The following MOXD1 variants were observed in gnomAD, a reference collection of about 807,000 sequenced individuals.
MOXD1 encodes monooxygenase DBH like 1.
Under a neutral mutation model 66.6 loss-of-function variants are expected in MOXD1, and 62 were observed. That is an observed-to-expected ratio of 0.93 (90% CI 0.76 to 1.15). The LOEUF is 1.15. Among genes scored for constraint, MOXD1 ranks in the 50% most tolerant of loss-of-function variants. The pLI, the probability that MOXD1 is intolerant of heterozygous loss-of-function variation, is 0.00. For missense variants in MOXD1, 847 were observed against 754.6 expected, an observed-to-expected ratio of 1.12 and a Z score of -1.44; for synonymous variants, 303 against 281.9, an observed-to-expected ratio of 1.07 and a Z score of -0.75.
Position 132,386,156 on chromosome 6 carries a change from G to T in MOXD1, c.265-11379C>A, listed in dbSNP as rs111873188. Among the ~76,000 whole-genome samples the T allele has an allele frequency of 4.2e-5, 5 of 120,100 alleles. No individual in the cohort carries two copies. In the Admixed American group the frequency reaches 4.6e-4, roughly 11 times the overall value. The allele number at this position is 120,100 out of a possible 152,430, so 78.8% of individuals were successfully genotyped here. A position where few individuals can be genotyped will look rare whatever the true frequency, so the allele number is the denominator to read the frequency against. ...GGTGGCTCACGCCTGTAATCCCAGC[G>T]CTTTGGGAGGCCGAGGCGGGCGGAT... On this transcript the variant is annotated intron_variant, in intron 1 of 11. Coordinates refer to ENST00000367963, the MANE Select transcript of MOXD1 (RefSeq NM_015529.4).
chr6:132,303,936 C>T (rs1774630333), intron 10 of MOXD1, among the ~76,000 whole-genome samples: 1 of 140,458 alleles, frequency 7.1e-6, no homozygotes, highest in Non-Finnish European at 1.5e-5. Context: ...CAATCCAATC[C>T]ATTCTCATTT....
intron 4 of MOXD1, among the ~76,000 whole-genome samples, chr6:132,331,813 T>G (rs1237620340): frequency 6.6e-6 from 1 of 152,112 alleles, no homozygotes; most frequent in African/African-American, 2.4e-5. Context: ...CTACACATTA[T>G]TGTAGGAAGC....
chr6:132,375,097 G>A (rs1776351752), intron 1 of MOXD1: 3 of 400,970 alleles, frequency 7.5e-6, no homozygotes, highest in East Asian at 7.7e-5. Context: ...ACTATGAAAT[G>A]TCTTACCGCA....
At chr6:132,313,247 C>A (rs1453239865) in intron 10 of MOXD1, among the ~76,000 whole-genome samples, 1 of 152,098 alleles carries the variant, frequency 6.6e-6, no homozygotes, top group Non-Finnish European at 1.5e-5. Flanking sequence ...TTTCTATTTC[C>A]TCCCCTATAA....
intron 10 of MOXD1, among the ~76,000 whole-genome samples, chr6:132,311,902 G>T (rs1053365489): frequency 2.0e-5 from 3 of 152,002 alleles, no homozygotes; most frequent in East Asian, 1.9e-4. Context: ...ATAAGCACGT[G>T]TGAGTTTTAA....
chr6:132,391,854 A>C (rs1163171096), intron 1 of MOXD1: 1 of 180,282 alleles, frequency 5.5e-6, no homozygotes. Flanking sequence ...CAGGCTAATT[A>C]TGAAATCATC....
intron 4 of MOXD1, among the ~76,000 whole-genome samples, chr6:132,362,040 G>C (rs148809594): frequency 6.6e-6 from 1 of 151,810 alleles, no homozygotes; most frequent in Non-Finnish European, 1.5e-5. Context: ...ATCACTAAAA[G>C]CTCCATTTAT....
chr6:132,396,417 T>G (rs1776876281), intron 1 of MOXD1, among the ~76,000 whole-genome samples: 1 of 151,844 alleles, frequency 6.6e-6, no homozygotes, highest in Non-Finnish European at 1.5e-5. Context: ...AACAAACACC[T>G]ACATCAAAAA....
At chr6:132,298,015 C>T (rs1774449938) in intron 10 of MOXD1, 60 bp from the exon 11 acceptor site, 1 of 1,440,052 alleles carries the variant, frequency 6.9e-7, no homozygotes, top group Admixed American at 2.3e-5. Flanking sequence ...GTTTCCTTTA[C>T]TTTTCAGCAT....
At chr6:132,382,212 T>C (rs1434500793) in intron 1 of MOXD1, among the ~76,000 whole-genome samples, 1 of 152,080 alleles carries the variant, frequency 6.6e-6, no homozygotes, top group Admixed American at 6.6e-5. Context: ...AATTAGACTT[T>C]ATGTGGGTAA....
At chr6:132,362,484 C>G (rs948942259) in intron 4 of MOXD1, among the ~76,000 whole-genome samples, 9 of 152,148 alleles carry the variant, frequency 5.9e-5, no homozygotes, top group Non-Finnish European at 1.3e-4. Context: ...GACTGTCAGT[C>G]TGGTTCTTAG....
In MOXD1 at chr6:132,328,541, G is replaced by A. The variant is rs866871962; in HGVS notation, c.717C>T (p.Leu239=). ...CGTTAAAGTTGTTGCTGCACTGATAGAGCAGGATGTGGTGCACCAGACTCT... is the reference window on the plus strand; with the variant it reads ...CGTTAAAGTTGTTGCTGCACTGATAAAGCAGGATGTGGTGCACCAGACTCT... ...GHESLVHHIL[L]YQCSNNFNDS... The change falls in exon 5 of 12, where the codon CTC becomes CTT. Residue 239 remains leucine (L), a synonymous_variant. Coordinates refer to ENST00000367963, the MANE Select transcript of MOXD1 (RefSeq NM_015529.4). 44 of 1,613,974 alleles carry A rather than the reference G, an allele frequency of 2.7e-5. No individual in the cohort carries two copies. The highest frequency in any genetic ancestry group is 3.6e-5 in the Non-Finnish European group (43 of 1,180,004).
intron 4 of MOXD1, among the ~76,000 whole-genome samples, chr6:132,343,746 G>A (rs183288420): frequency 3.5e-4 from 54 of 152,208 alleles, no homozygotes; most frequent in Non-Finnish European, 6.2e-4. Context: ...GTCAATAGGC[G>A]ATTTGAATAG....
intron 10 of MOXD1, among the ~76,000 whole-genome samples, chr6:132,305,212 C>T (rs1278461289): frequency 3.3e-5 from 5 of 152,254 alleles, no homozygotes; most frequent in Admixed American, 6.5e-5. Flanking sequence ...GGTCACAAGA[C>T]TTGTTCCCCA....
At position 132,314,549 on chromosome 6, in the gene MOXD1, C is replaced by A. The variant is rs540260386; in HGVS notation, c.1508+1086G>T. Reference sequence around the variant, plus strand: ...GTGTCCTCACTTATTCTCTACCATACTTCACTCTTCTGCAGCCAAATGCAC... The same window carrying A: ...GTGTCCTCACTTATTCTCTACCATAATTCACTCTTCTGCAGCCAAATGCAC... On this transcript the variant is annotated intron_variant, in intron 10 of 11. Coordinates refer to ENST00000367963, the MANE Select transcript of MOXD1 (RefSeq NM_015529.4). Among the ~76,000 whole-genome samples the A allele has an allele frequency of 3.9e-5, 6 of 152,364 alleles. No homozygotes were observed. The East Asian group carries it at 9.6e-4, about 24-fold the overall frequency.
intron 4 of MOXD1, among the ~76,000 whole-genome samples, chr6:132,335,412 T>G (rs1379005407): frequency 1.3e-5 from 2 of 152,024 alleles, no homozygotes; most frequent in East Asian, 3.9e-4. Context: ...TGAGAGGAGA[T>G]CATACTGGAT....
intron 4 of MOXD1, among the ~76,000 whole-genome samples, chr6:132,330,828 G>GA (rs1197064458): frequency 7.2e-5 from 11 of 152,236 alleles, no homozygotes; most frequent in Middle Eastern, 6.8e-3. Context: ...TAAGCAAGGG[G>GA]GGAAATGGTA....
intron 1 of MOXD1, among the ~76,000 whole-genome samples, chr6:132,386,453 A>G (rs1231287664): frequency 1.4e-5 from 2 of 148,022 alleles, no homozygotes; most frequent in African/African-American, 4.9e-5. Flanking sequence ...AAACAAAAAA[A>G]AAACGGGAAA....
At chr6:132,399,073 G>A (rs1286506266) in intron 1 of MOXD1, among the ~76,000 whole-genome samples, 2 of 151,964 alleles carry the variant, frequency 1.3e-5, no homozygotes, top group African/African-American at 2.4e-5. Context: ...GTTGGAGAAT[G>A]GAATCATTCA....
Sources: allele counts gnomAD v4.1 joint callset (sites outside exome capture counted in the v4.1 genomes callset), GRCh38; gene constraint gnomAD v4.1.1; transcripts MANE v1.5; gene names NCBI Gene and HGNC (gene_info 2026-07-23, HGNC 2026-07-21).